Variants in CTNNA2 observed in about 807,000 individuals in gnomAD.
CTNNA2 encodes the protein catenin alpha 2.
CTNNA2 carries 42 observed loss-of-function variants against 101.0 expected under a neutral mutation model. The ratio of observed to expected loss-of-function variants is 0.42; its 90% CI spans 0.32 to 0.54. The LOEUF is 0.54. Ranked by LOEUF, CTNNA2 falls within the 20% of genes least tolerant of loss-of-function variation. CTNNA2 has a pLI of 0.14. For synonymous variants in CTNNA2, 450 were observed against 456.4 expected (o/e 0.99, Z 0.18); for missense variants, 871 against 1,223.1 (o/e 0.71, Z 4.29).
intron 2 of CTNNA2, among the ~76,000 whole-genome samples, chr2:79,298,160 G>T (rs888994616): frequency 6.6e-6 from 1 of 152,172 alleles, no homozygotes; most frequent in Non-Finnish European, 1.5e-5. Flanking sequence ...ATGGGCATCT[G>T]TTTCTGGTAA....
At chr2:79,831,866 C>G (rs1456955536) in intron 3 of CTNNA2, among the ~76,000 whole-genome samples, 2 of 151,066 alleles carry the variant, frequency 1.3e-5, no homozygotes, top group African/African-American at 4.9e-5. Context: ...TAAATCGTTA[C>G]AAATAATCCA....
At chr2:79,577,021 A>G (rs921592656) in intron 1 of CTNNA2, among the ~76,000 whole-genome samples, 14 of 152,124 alleles carry the variant, frequency 9.2e-5, no homozygotes, top group Admixed American at 7.2e-4. Flanking sequence ...TTAAGCTTGT[A>G]ACAGTTCATT....
chr2:79,688,626 A>G (rs1255278177), intron 2 of CTNNA2, among the ~76,000 whole-genome samples: 1 of 152,122 alleles, frequency 6.6e-6, no homozygotes, highest in Non-Finnish European at 1.5e-5. Context: ...ATCTTAAAAT[A>G]TAATAAACAT....
intron 4 of CTNNA2, among the ~76,000 whole-genome samples, chr2:79,430,572 T>G (rs1318698123): frequency 6.6e-6 from 1 of 152,206 alleles, no homozygotes; most frequent in Non-Finnish European, 1.5e-5. Flanking sequence ...TGTGTTATAC[T>G]GAGTGCCAAC....
chr2:79,561,318 A>G (rs1674767059), intron 1 of CTNNA2, among the ~76,000 whole-genome samples: 1 of 151,858 alleles, frequency 6.6e-6, no homozygotes, highest in African/African-American at 2.4e-5. Context: ...TTGTTTATCC[A>G]TTCATCCCTT....
intron 7 of CTNNA2, among the ~76,000 whole-genome samples, chr2:79,963,873 C>G (rs17261307): frequency 0.16 from 23,763 of 152,092 alleles, 2,228 homozygotes; most frequent in Middle Eastern, 0.29. Context: ...AAGCAAGTAG[C>G]GTTTATCTTT....
chr2:80,501,592 T>G (rs942401968), intron 9 of CTNNA2, among the ~76,000 whole-genome samples: 1 of 152,194 alleles, frequency 6.6e-6, no homozygotes, highest in African/African-American at 2.4e-5. Context: ...TAAAATTCTC[T>G]TATGAAGTTG....
intron 17 of CTNNA2, among the ~76,000 whole-genome samples, chr2:80,617,302 T>TA (rs3836005): frequency 0.57 from 85,865 of 151,250 alleles, 24,734 homozygotes; most frequent in African/African-American, 0.64. Context: ...GAGATTGTTA[T>TA]AAAAAATCAA....
rs576463263 is a variant in CTNNA2, at chr2:79,613,408, A to G, written c.-5-38144A>G. Among the ~76,000 whole-genome samples, 4 of 151,234 alleles carry G rather than the reference A, an allele frequency of 2.6e-5. No homozygotes were observed. The East Asian group carries it at 7.8e-4, about 29-fold the overall frequency. ...AACTACAAGTTTTAAAGAGACTTCT[A>G]CTACTTGTCATCAAGAACCTGTAAT... On this transcript the variant is annotated intron_variant, in intron 1 of 18. Transcript: ENST00000402739.
intron 9 of CTNNA2, among the ~76,000 whole-genome samples, chr2:80,425,859 A>G (rs978681295): frequency 1.3e-5 from 2 of 152,210 alleles, no homozygotes; most frequent in Non-Finnish European, 2.9e-5. Flanking sequence ...TATATAAAAT[A>G]TTAGTAAAAT....
At chr2:79,250,866 A>G (rs960544025) in intron 2 of CTNNA2, among the ~76,000 whole-genome samples, 2 of 152,146 alleles carry the variant, frequency 1.3e-5, no homozygotes, top group African/African-American at 4.8e-5. Context: ...CTTGGTCCCA[A>G]AGACATTTGA....
At chr2:79,978,449 G>T (rs72920885) in intron 7 of CTNNA2, among the ~76,000 whole-genome samples, 1 of 152,032 alleles carries the variant, frequency 6.6e-6, no homozygotes, top group Admixed American at 6.6e-5. Context: ...CTCTGGCCAC[G>T]GGTACCATAT....
intron 1 of CTNNA2, among the ~76,000 whole-genome samples, chr2:79,614,318 A>G (rs1284575262): frequency 6.6e-6 from 1 of 152,132 alleles, no homozygotes; most frequent in Non-Finnish European, 1.5e-5. Flanking sequence ...AATTCTCCTG[A>G]CTGGAAATCA....
chr2:80,103,168 A>G (rs7601247), intron 7 of CTNNA2, among the ~76,000 whole-genome samples: 34,082 of 152,046 alleles, frequency 0.22, 4,637 homozygotes, highest in East Asian at 0.52. Context: ...AGTGCTGCAG[A>G]CTTGGGGGCT....
At chr2:79,397,539 G>A (rs1207110089) in intron 4 of CTNNA2, among the ~76,000 whole-genome samples, 3 of 152,080 alleles carry the variant, frequency 2.0e-5, no homozygotes, top group Admixed American at 2.0e-4. Flanking sequence ...TCAAATCTGA[G>A]CATTCCTCAA....
At chr2:80,211,267 T>C (rs964592679) in intron 7 of CTNNA2, among the ~76,000 whole-genome samples, 1 of 152,196 alleles carries the variant, frequency 6.6e-6, no homozygotes, top group Non-Finnish European at 1.5e-5. Context: ...TTGCTTTTGG[T>C]GTTTTAGTCA....
At chr2:79,252,123 A>G (rs1480846760) in intron 2 of CTNNA2, among the ~76,000 whole-genome samples, 1 of 152,180 alleles carries the variant, frequency 6.6e-6, no homozygotes, top group Non-Finnish European at 1.5e-5. Flanking sequence ...CTGACCCTTT[A>G]CACCTTATCT....
At chr2:79,242,885 T>C (rs1674644854) in intron 2 of CTNNA2, among the ~76,000 whole-genome samples, 2 of 151,004 alleles carry the variant, frequency 1.3e-5, no homozygotes, top group African/African-American at 4.9e-5. Flanking sequence ...GGAGGATTCG[T>C]TGAGGGGGGA....
In CTNNA2 at chr2:79,982,235, T is replaced by TA. The variant is rs1691359330; in HGVS notation, c.1056+72439dup. On this transcript the variant is annotated intron_variant, in intron 7 of 18. Transcript: ENST00000402739. The stretch of plus-strand genomic sequence containing the variant: ...ATATATATATATATATATATATATA[T>TA]ATATATGTATGTATATGTACACACA... Among the ~76,000 whole-genome samples the TA allele has an allele frequency of 1.4e-4, 11 of 76,192 alleles. 1 individual carries two copies. The highest frequency in any genetic ancestry group is 5.3e-4 in the African/African-American group (11 of 20,808). The allele number at this position is 76,192 out of a possible 152,430, so 50.0% of individuals were successfully genotyped here. A position where few individuals can be genotyped will look rare whatever the true frequency, so the allele number is the denominator to read the frequency against.
Sources: gnomAD v4.1 joint callset for allele counts (sites outside exome capture counted in the v4.1 genomes callset) on GRCh38, gnomAD v4.1.1 for gene constraint, MANE v1.5 for transcripts, NCBI Gene and HGNC (gene_info 2026-07-23, HGNC 2026-07-21) for gene names.